MAN1C1: variants seen among roughly 807,000 people sequenced by gnomAD.
MAN1C1 encodes mannosyl-oligosaccharide 1,2-alpha-mannosidase IC.
A neutral mutation model predicts 71.5 loss-of-function variants in MAN1C1; 49 were observed. The observed-to-expected ratio is 0.69, with a 90% CI of 0.54 to 0.87. The LOEUF (loss-of-function observed/expected upper bound fraction) is 0.87. MAN1C1 is among the 40% of genes least tolerant of loss of function. MAN1C1 has a pLI of 0.00. For missense variants in MAN1C1, 743 were observed against 835.0 expected, an observed-to-expected ratio of 0.89 and a Z score of 1.36; for synonymous variants, 352 against 343.7, an observed-to-expected ratio of 1.02 and a Z score of -0.27.
At chr1:25,651,963 G>A (rs956690177) in intron 1 of MAN1C1, among the ~76,000 whole-genome samples, 7 of 152,188 alleles carry the variant, frequency 4.6e-5, no homozygotes, top group African/African-American at 1.7e-4. Context: ...CTGCCTGCCT[G>A]CCGGGGCCAG....
intron 2 of MAN1C1, among the ~76,000 whole-genome samples, chr1:25,743,374 G>A (rs909727636): frequency 6.6e-6 from 1 of 152,220 alleles, no homozygotes; most frequent in African/African-American, 2.4e-5. Flanking sequence ...ATCATGGTCT[G>A]TTTACTGAAC....
At chr1:25,729,507 T>C (rs1006691899) in intron 2 of MAN1C1, among the ~76,000 whole-genome samples, 3 of 150,684 alleles carry the variant, frequency 2.0e-5, no homozygotes, top group Admixed American at 2.0e-4. Context: ...GGTGTCTCGC[T>C]CTGTTGCCCA....
At chr1:25,684,086 G>A (rs990787292) in intron 1 of MAN1C1, among the ~76,000 whole-genome samples, 1 of 152,090 alleles carries the variant, frequency 6.6e-6, no homozygotes, top group Non-Finnish European at 1.5e-5. Context: ...CTCTCTCTAG[G>A]TAGGGGGAAT....
Position 25,782,411 on chromosome 1 carries a change from C to A in MAN1C1, c.1651-174C>A, listed in dbSNP as rs561599930. Among the ~76,000 whole-genome samples the A allele has an allele frequency of 4.6e-5, 7 of 152,240 alleles. No homozygotes were observed. The highest frequency in any genetic ancestry group is 1.3e-4 in the Admixed American group (2 of 15,296). On this transcript the variant is annotated intron_variant, in intron 10 of 11. Coordinates refer to ENST00000374332, the MANE Select transcript of MAN1C1 (RefSeq NM_020379.4). This position sits in a 1 kb window ranked among gnomAD's most constrained non-coding sequence, Gnocchi z 4.4. The stretch of plus-strand genomic sequence containing the variant: ...TCCAGCCTGGGGACAGGTGGCTAAA[C>A]CCCGAAAGAATAATTTGACCTTCTG...
intron 1 of MAN1C1, among the ~76,000 whole-genome samples, chr1:25,670,449 G>A (rs2045979271): frequency 1.3e-5 from 2 of 152,216 alleles, no homozygotes; most frequent in South Asian, 4.1e-4. Context: ...GCTCTGCTGG[G>A]GCAGCTTTAA....
intron 2 of MAN1C1, among the ~76,000 whole-genome samples, chr1:25,720,504 C>T (rs1489130925): frequency 6.6e-6 from 1 of 152,208 alleles, no homozygotes; most frequent in Non-Finnish European, 1.5e-5. Context: ...AACCACCACA[C>T]CCAGCTGCCC....
intron 8 of MAN1C1, 67 bp downstream of exon 8, chr1:25,771,839 G>T: frequency 1.5e-6 from 2 of 1,311,648 alleles, no homozygotes; most frequent in Non-Finnish European, 1.1e-6. Flanking sequence ...ACGGCCGAGC[G>T]AGGGTGCTGC....
At chr1:25,751,693 C>T (rs2047218615) in intron 4 of MAN1C1, among the ~76,000 whole-genome samples, 1 of 152,246 alleles carries the variant, frequency 6.6e-6, no homozygotes, top group South Asian at 2.1e-4. Flanking sequence ...TGTACTTTCT[C>T]ACTGGAGCCT....
intron 1 of MAN1C1, among the ~76,000 whole-genome samples, chr1:25,654,680 C>T (rs555749234): frequency 1.3e-4 from 19 of 151,798 alleles, no homozygotes; most frequent in African/African-American, 4.6e-4. Context: ...TGGAGTCTTG[C>T]ACTGTCACCA....
chr1:25,711,794 C>T lies in MAN1C1; in HGVS notation c.637+25258C>T, dbSNP rs2046617198. On this transcript the variant is annotated intron_variant, in intron 2 of 11. Coordinates refer to ENST00000374332, the MANE Select transcript of MAN1C1 (RefSeq NM_020379.4). This position sits in a 1 kb window ranked among gnomAD's most constrained non-coding sequence, Gnocchi z 4.3. ...GATCAGTCTTTGCAAGCCGTGCTGTCCTGTGTGTGAAAGAGGATACTTTCT... is the reference window on the plus strand; with the variant it reads ...GATCAGTCTTTGCAAGCCGTGCTGTTCTGTGTGTGAAAGAGGATACTTTCT... 6.6e-6 allele frequency among the ~76,000 whole-genome samples: 1 copy of T among 152,152 alleles called. No individual in the cohort carries two copies. Among genetic ancestry groups the T allele is most frequent in the Non-Finnish European group, 1.5e-5 (1 of 68,040 alleles).
At chr1:25,683,275 C>T (rs2046180426) in intron 1 of MAN1C1, among the ~76,000 whole-genome samples, 1 of 152,158 alleles carries the variant, frequency 6.6e-6, no homozygotes, top group East Asian at 1.9e-4. Context: ...CGAAGCTTCC[C>T]TTGAGACACA....
chr1:25,637,850 T>C (rs1014924727), intron 1 of MAN1C1, among the ~76,000 whole-genome samples: 7 of 152,132 alleles, frequency 4.6e-5, no homozygotes, highest in African/African-American at 1.7e-4. Flanking sequence ...CTGATTGATA[T>C]AGCCTCTTCA....
chr1:25,739,975 C>A (rs1413673870), intron 2 of MAN1C1, among the ~76,000 whole-genome samples: 1 of 152,124 alleles, frequency 6.6e-6, no homozygotes, highest in Non-Finnish European at 1.5e-5. Context: ...TTGGAGGGGG[C>A]CTTTCTTTCA....
intron 4 of MAN1C1, among the ~76,000 whole-genome samples, chr1:25,751,283 A>G (rs1477102544): frequency 6.9e-6 from 1 of 145,808 alleles, no homozygotes; most frequent in African/African-American, 2.6e-5. Flanking sequence ...CCATCCTTCC[A>G]TCATTCTCCT....
intron 2 of MAN1C1, among the ~76,000 whole-genome samples, chr1:25,740,800 G>A (rs981682340): frequency 1.3e-5 from 2 of 152,068 alleles, no homozygotes; most frequent in South Asian, 2.1e-4. Context: ...GATCGGGGAA[G>A]AGGGAAGGGC....
At chr1:25,646,777 C>G (rs1456654907) in intron 1 of MAN1C1, among the ~76,000 whole-genome samples, 1 of 152,154 alleles carries the variant, frequency 6.6e-6, no homozygotes, top group African/African-American at 2.4e-5. Context: ...GGATAAAATC[C>G]CATTGTATGG....
intron 4 of MAN1C1, among the ~76,000 whole-genome samples, chr1:25,752,251 G>T (rs569131798): frequency 6.6e-6 from 1 of 152,092 alleles, no homozygotes; most frequent in African/African-American, 2.4e-5. Flanking sequence ...AGCCAGGCTC[G>T]TGCCACCATT....
chr1:25,627,886 T>C (rs1005877437), intron 1 of MAN1C1, among the ~76,000 whole-genome samples: 1 of 137,520 alleles, frequency 7.3e-6, no homozygotes, highest in Admixed American at 7.3e-5. Context: ...AAAAAAAAAA[T>C]ACAAAAATTA....
At position 25,753,272 on chromosome 1, in the gene MAN1C1, T is replaced by TA. The variant is rs1466459873; in HGVS notation, c.835-211dup. 6.6e-6 allele frequency among the ~76,000 whole-genome samples: 1 copy of TA among 152,242 alleles called. No homozygotes were observed. Among genetic ancestry groups the TA allele is most frequent in the Non-Finnish European group, 1.5e-5 (1 of 68,050 alleles). On this transcript the variant is annotated intron_variant, in intron 4 of 11. Coordinates refer to ENST00000374332, the MANE Select transcript of MAN1C1 (RefSeq NM_020379.4). The surrounding 1 kb of genome is among the most constrained non-coding windows in gnomAD (Gnocchi z 4.9). ...AACAACTCTCTAAGAAGGCCAGTAT[T>TA]ATCCTATTTTATGGACAAAAGCTGA... is the stretch of plus-strand genomic sequence containing the variant.
Sources: gnomAD v4.1 joint callset for allele counts (sites outside exome capture counted in the v4.1 genomes callset) on GRCh38, gnomAD v4.1.1 for gene constraint, Gnocchi (gnomAD v3.1) non-coding constraint, MANE v1.5 for transcripts, NCBI Gene and HGNC (gene_info 2026-07-23, HGNC 2026-07-21) for gene names.